BARD1: variants seen among roughly 807,000 people sequenced by gnomAD.
The protein encoded by BARD1 is BRCA1 associated RING domain 1, also known as BRCA1-associated RING domain protein 1.
In BARD1, 73 loss-of-function variants were observed where a neutral mutation model predicts 77.0. That is an observed-to-expected ratio of 0.95 (90% CI 0.79 to 1.15). The LOEUF (loss-of-function observed/expected upper bound fraction) is 1.15. Among genes scored for constraint, BARD1 ranks in the 50% most tolerant of loss-of-function variants. The pLI is 0.00. For missense variants in BARD1, 993 were observed against 938.8 expected, an observed-to-expected ratio of 1.06 and a Z score of -0.75; for synonymous variants, 384 against 338.0, an observed-to-expected ratio of 1.14 and a Z score of -1.49.
chr2:214,728,825 C>G lies in BARD1; in HGVS notation c.2185G>C (p.Asp729His), dbSNP rs1443031799. 1 of 1,614,186 alleles carries G rather than the reference C, an allele frequency of 6.2e-7. No homozygotes were observed. Among genetic ancestry groups the G allele is most frequent in the Non-Finnish European group, 8.5e-7 (1 of 1,180,040 alleles). The change falls in exon 11 of 11, where the codon GAT becomes CAT. Residue 729 changes from aspartate to histidine, a missense_variant. Physicochemically the swap from Asp to His is moderately conservative, Grantham distance 81 (BLOSUM62 -1). Coordinates refer to ENST00000260947, the MANE Select transcript of BARD1 (RefSeq NM_000465.4). The part of the protein sequence containing the change: ...TVAYHARPDS[D>H]QRFCTQYIIY... The stretch of plus-strand genomic sequence containing the variant: ...ATATACTGTGTGCAGAAGCGCTGAT[C>G]AGAATCGGGTCTCGCATGGTATGCG...
intron 7 of BARD1, among the ~76,000 whole-genome samples, chr2:214,747,839 T>C (rs1187803873): frequency 6.6e-6 from 1 of 151,162 alleles, no homozygotes; most frequent in Non-Finnish European, 1.5e-5. Flanking sequence ...ACATGTACCC[T>C]AAAACTTAAA....
At chr2:214,753,769 G>C (rs1214713807) in intron 6 of BARD1, among the ~76,000 whole-genome samples, 5 of 152,100 alleles carry the variant, frequency 3.3e-5, no homozygotes, top group African/African-American at 9.7e-5. Context: ...TAATGTATTA[G>C]AATAAGAAAT....
chr2:214,742,316 A>T (rs1391129277), intron 9 of BARD1, among the ~76,000 whole-genome samples: 2 of 152,194 alleles, frequency 1.3e-5, no homozygotes, highest in East Asian at 3.9e-4. Context: ...TGCTTGAGTG[A>T]CACCTCATCT....
chr2:214,796,263 A>T (rs1361931435), intron 2 of BARD1, among the ~76,000 whole-genome samples: 1 of 152,190 alleles, frequency 6.6e-6, no homozygotes, highest in Non-Finnish European at 1.5e-5. Context: ...TAATTTCACA[A>T]TAACTGTTAT....
chr2:214,741,265 G>T (rs1178823240), intron 9 of BARD1, among the ~76,000 whole-genome samples: 1 of 152,076 alleles, frequency 6.6e-6, no homozygotes, highest in Non-Finnish European at 1.5e-5. Context: ...TGAGAGTGGG[G>T]AAGAGGGAAA....
chr2:214,747,706 TG>T (rs1377340227), intron 7 of BARD1, among the ~76,000 whole-genome samples: 2 of 77,396 alleles, frequency 2.6e-5, no homozygotes, highest in Admixed American at 4.1e-4. Flanking sequence ...GGGACTGTTG[TG>T]GGGTGGGGGG....
At chr2:214,796,899 GAC>G (rs1695778301) in intron 2 of BARD1, 160 bp downstream of exon 2, 4 of 643,922 alleles carry the variant, frequency 6.2e-6, no homozygotes, top group African/African-American at 1.8e-5. Flanking sequence ...TGTAAATTAA[GAC>G]ACAGTTTTAA....
chr2:214,798,671 C>G (rs1470758909), intron 1 of BARD1, among the ~76,000 whole-genome samples: 1 of 151,342 alleles, frequency 6.6e-6, no homozygotes, highest in Non-Finnish European at 1.5e-5. Context: ...ATTGTGCTGA[C>G]CTCTTAGACA....
chr2:214,770,591 A>G (rs905428105), intron 4 of BARD1, among the ~76,000 whole-genome samples: 6 of 152,220 alleles, frequency 3.9e-5, no homozygotes, highest in African/African-American at 1.4e-4. Flanking sequence ...ATATTAAGAC[A>G]CCGTCAATTA....
At chr2:214,798,833 T>C (rs1310797456) in intron 1 of BARD1, among the ~76,000 whole-genome samples, 2 of 150,402 alleles carry the variant, frequency 1.3e-5, no homozygotes, top group African/African-American at 4.9e-5. Context: ...ATTCATTTGG[T>C]AGCAACCGGG....
intron 4 of BARD1, 71 bp from the exon 5 acceptor site, chr2:214,769,383 T>C (rs1321667450): frequency 1.7e-6 from 2 of 1,152,486 alleles, no homozygotes; most frequent in Non-Finnish European, 1.3e-6. Flanking sequence ...CTTTTTTAAA[T>C]GCTGCCTTCT....
At chr2:214,789,225 T>C (rs1456787816) in intron 3 of BARD1, among the ~76,000 whole-genome samples, 3 of 152,090 alleles carry the variant, frequency 2.0e-5, no homozygotes, top group African/African-American at 7.2e-5. Flanking sequence ...TCTAAGAATG[T>C]ATTTTAAAAT....
chr2:214,796,392 GA>G, intron 2 of BARD1, among the ~76,000 whole-genome samples: 1 of 152,338 alleles, frequency 6.6e-6, no homozygotes, highest in South Asian at 2.1e-4. Context: ...ACATTAGGGT[GA>G]GCCCTTAATA....
chr2:214,777,345 A>G (rs1694779167), intron 4 of BARD1, among the ~76,000 whole-genome samples: 1 of 152,142 alleles, frequency 6.6e-6, no homozygotes, highest in Non-Finnish European at 1.5e-5. Context: ...GTTTATTAAT[A>G]ATGTTTCCAA....
At position 214,781,308 on chromosome 2, in the gene BARD1, G is replaced by A. The variant is rs864622686; in HGVS notation, c.566C>T (p.Ala189Val). 3.7e-6 allele frequency: 6 copies of A among 1,611,748 alleles called. No homozygotes were observed. The highest frequency in any genetic ancestry group is 5.1e-6 in the Non-Finnish European group (6 of 1,179,540). Residue 189 changes from alanine to valine, a missense_variant, in exon 4 of 11, where the codon GCA (alanine) becomes GTA (valine). Transcript: ENST00000260947. Reference sequence around the variant, plus strand: ...CTTTTTAGCCCTCTCAGAAACATCTGCAGGAGGACTTGGGGAAACAAATTC... The same window carrying A: ...CTTTTTAGCCCTCTCAGAAACATCTACAGGAGGACTTGGGGAAACAAATTC... ...SYEFVSPSPP[A>V]DVSERAKKAS...
intron 9 of BARD1, among the ~76,000 whole-genome samples, chr2:214,732,263 T>C (rs955916311): frequency 6.6e-6 from 1 of 152,224 alleles, no homozygotes; most frequent in African/African-American, 2.4e-5. Flanking sequence ...AAAGGGCTCC[T>C]TTCTTGACTA....
intron 9 of BARD1, among the ~76,000 whole-genome samples, chr2:214,737,264 C>T (rs1692608394): frequency 6.6e-6 from 1 of 152,088 alleles, no homozygotes. Context: ...ACTGTATTTC[C>T]TTCAGCCCTC....
chr2:214,790,413 T>C (rs545351233), intron 3 of BARD1, among the ~76,000 whole-genome samples: 179 of 152,132 alleles, frequency 1.2e-3, no homozygotes, highest in African/African-American at 3.9e-3. Context: ...TCCTGTCCTT[T>C]AAAAAGGGGG....
At chr2:214,809,278 G>A (rs1696440031) in intron 1 of BARD1, 134 bp downstream of exon 1, 3 of 1,300,586 alleles carry the variant, frequency 2.3e-6, no homozygotes, top group East Asian at 5.1e-5. Flanking sequence ...CCCCCGGCAG[G>A]TGCTAACCGC....
Sources: allele counts gnomAD v4.1 joint callset (sites outside exome capture counted in the v4.1 genomes callset), GRCh38; gene constraint gnomAD v4.1.1; transcripts MANE v1.5; gene names NCBI Gene and HGNC (gene_info 2026-07-23, HGNC 2026-07-21).